The following ATP8A2 variants were observed in gnomAD, a reference collection of about 807,000 sequenced individuals.
ATP8A2 encodes ATPase phospholipid transporting 8A2, also known as phospholipid-transporting ATPase IB.
Under a neutral mutation model 165.6 loss-of-function variants are expected in ATP8A2, and 100 were observed. That is an observed-to-expected ratio of 0.60 (90% CI 0.51 to 0.71). The LOEUF (loss-of-function observed/expected upper bound fraction) is 0.71, where lower values mean the gene tolerates loss of function less well. ATP8A2 is among the 30% of genes least tolerant of loss of function. ATP8A2 has a pLI of 0.00. For missense variants in ATP8A2, 1,227 were observed against 1,479.5 expected, an observed-to-expected ratio of 0.83 and a Z score of 2.80; for synonymous variants, 543 against 548.8, an observed-to-expected ratio of 0.99 and a Z score of 0.15.
intron 24 of ATP8A2, among the ~76,000 whole-genome samples, chr13:25,677,485 T>C: frequency 6.6e-6 from 1 of 150,878 alleles, no homozygotes; most frequent in Non-Finnish European, 1.5e-5. Flanking sequence ...AAATCCATGT[T>C]GGTATAACTC....
intron 1 of ATP8A2, among the ~76,000 whole-genome samples, chr13:25,421,760 T>G (rs1389388633): frequency 6.6e-6 from 1 of 152,250 alleles, no homozygotes; most frequent in Non-Finnish European, 1.5e-5. Context: ...TGGAGTTTGA[T>G]CTATATAGCC....
At chr13:25,937,848 CAAAAA>C (rs57258286) in intron 33 of ATP8A2, among the ~76,000 whole-genome samples, 1 of 83,556 alleles carries the variant, frequency 1.2e-5, no homozygotes, top group African/African-American at 4.7e-5. Flanking sequence ...GACTCCGTCT[CAAAAA>C]AAAAAAAAAA....
chr13:25,766,748 C>T (rs1289976574), intron 25 of ATP8A2, among the ~76,000 whole-genome samples: 1 of 152,234 alleles, frequency 6.6e-6, no homozygotes, highest in Non-Finnish European at 1.5e-5. Flanking sequence ...CCCCAGGGCA[C>T]CTGCACACCC....
chr13:25,852,993 A>C (rs550720597), intron 30 of ATP8A2, among the ~76,000 whole-genome samples: 1 of 152,230 alleles, frequency 6.6e-6, no homozygotes, highest in East Asian at 1.9e-4. Flanking sequence ...CTCATGTGAA[A>C]TATGCACATA....
intron 33 of ATP8A2, among the ~76,000 whole-genome samples, chr13:25,934,717 A>G (rs1954840288): frequency 6.6e-6 from 1 of 152,188 alleles, no homozygotes; most frequent in South Asian, 2.1e-4. Context: ...TACCTGGAGA[A>G]GCTCAGGCAG....
chr13:25,694,493 C>T (rs1437309998), intron 24 of ATP8A2, among the ~76,000 whole-genome samples: 4 of 152,122 alleles, frequency 2.6e-5, no homozygotes. Context: ...TCTAGAATTT[C>T]CCAGACTTAC....
In ATP8A2 at chr13:25,544,695, A is replaced by G. The variant is rs117733476; in HGVS notation, c.891+1293A>G. 6.3e-3 allele frequency among the ~76,000 whole-genome samples: 956 copies of G among 152,252 alleles called. 6 individuals carry two copies. The highest frequency in any genetic ancestry group is 0.01 in the Non-Finnish European group (700 of 68,028). ...AAGGCAGAGCTGTTGAAGGCCATTC[A>G]ATGTTGACAAGTAAGGAACTGAGAG... is the stretch of plus-strand genomic sequence containing the variant. On this transcript the variant is annotated intron_variant, in intron 10 of 36. Transcript: ENST00000381655.
chr13:25,631,582 G>C lies in ATP8A2; in HGVS notation c.2211+41883G>C, dbSNP rs1251494419. 4.6e-5 allele frequency among the ~76,000 whole-genome samples: 7 copies of C among 152,218 alleles called. No individual in the cohort carries two copies. In the East Asian group the frequency reaches 7.7e-4, roughly 17 times the overall value. ...GATGCTTGCTGCTTATGTGTGAAGAGAGTAATTTGGTGACCTCCTACTTCA... is the reference window on the plus strand; with the variant it reads ...GATGCTTGCTGCTTATGTGTGAAGACAGTAATTTGGTGACCTCCTACTTCA... On this transcript the variant is annotated intron_variant, in intron 24 of 36. Transcript: ENST00000381655.
At chr13:25,946,695 T>A (rs1955222832) in intron 33 of ATP8A2, among the ~76,000 whole-genome samples, 1 of 152,152 alleles carries the variant, frequency 6.6e-6, no homozygotes, top group Non-Finnish European at 1.5e-5. Flanking sequence ...AAGATGCTAG[T>A]TTTAGGTAAA....
chr13:25,791,534 C>CACACAT (rs764372443), intron 27 of ATP8A2, among the ~76,000 whole-genome samples: 346 of 114,362 alleles, frequency 3.0e-3, no homozygotes, highest in East Asian at 0.014. Flanking sequence ...CTTAAACACA[C>CACACAT]ACACACATAC....
In ATP8A2 at chr13:25,542,384, A is replaced by ATT. The variant is rs61662955; in HGVS notation, c.779+353_779+354dup. Among the ~76,000 whole-genome samples, 22 of 135,164 alleles carry ATT rather than the reference A, an allele frequency of 1.6e-4. No individual in the cohort carries two copies. The South Asian group carries it at 1.9e-3, about 12-fold the overall frequency. 88.7% of individuals were successfully genotyped at this position (135,164 alleles called of 152,430 possible). A position where few individuals can be genotyped will look rare whatever the true frequency, so the allele number is the denominator to read the frequency against. On this transcript the variant is annotated intron_variant, in intron 9 of 36. Transcript: ENST00000381655. ...TTGTTACAGAAATGTGTGTATGTGT[A>ATT]TTTTTTTTTTTTTTTTGCTAACCAC... is the stretch of plus-strand genomic sequence containing the variant.
intron 27 of ATP8A2, among the ~76,000 whole-genome samples, chr13:25,781,561 T>C (rs2044880022): frequency 6.6e-6 from 1 of 152,174 alleles, no homozygotes; most frequent in Non-Finnish European, 1.5e-5. Context: ...CAGTGTTGGC[T>C]CACTGCAACC....
chr13:25,875,080 A>T (rs147238069), intron 33 of ATP8A2, among the ~76,000 whole-genome samples: 1,644 of 152,100 alleles, frequency 0.011, 31 homozygotes, highest in African/African-American at 0.037. Flanking sequence ...GTGCCATGGC[A>T]GTTGCCGGGG....
At chr13:25,555,735 T>G (rs1164050627) in intron 13 of ATP8A2, among the ~76,000 whole-genome samples, 2 of 152,158 alleles carry the variant, frequency 1.3e-5, no homozygotes, top group East Asian at 3.8e-4. Context: ...ATCACTCATG[T>G]ACCTGAGCAT....
chr13:25,748,241 T>C (rs773007932), intron 25 of ATP8A2, among the ~76,000 whole-genome samples: 1 of 152,190 alleles, frequency 6.6e-6, no homozygotes, highest in Non-Finnish European at 1.5e-5. Context: ...GATGATAGGA[T>C]TTTCCCCCCA....
intron 24 of ATP8A2, 54 bp from the exon 25 acceptor site, chr13:25,699,118 GT>G: frequency 1.5e-6 from 2 of 1,342,550 alleles, no homozygotes; most frequent in South Asian, 3.4e-5. Flanking sequence ...ATTCTATTTT[GT>G]TTTTGATATT....
chr13:25,898,020 CT>C (rs1367436797), intron 33 of ATP8A2, among the ~76,000 whole-genome samples: 1 of 152,166 alleles, frequency 6.6e-6, no homozygotes, highest in Non-Finnish European at 1.5e-5. Flanking sequence ...CTTCTGAAGC[CT>C]TCCTCTCTCA....
At chr13:25,623,946 T>C (rs984129217) in intron 24 of ATP8A2, among the ~76,000 whole-genome samples, 5 of 152,226 alleles carry the variant, frequency 3.3e-5, no homozygotes, top group African/African-American at 1.2e-4. Flanking sequence ...TAAATATAAA[T>C]ATACATATAT....
At chr13:25,651,967 T>C (rs1214483026) in intron 24 of ATP8A2, among the ~76,000 whole-genome samples, 1 of 152,190 alleles carries the variant, frequency 6.6e-6, no homozygotes, top group South Asian at 2.1e-4. Context: ...TTTTTAACAT[T>C]AGTTTTATTT....
Sources: gnomAD v4.1 joint callset for allele counts (sites outside exome capture counted in the v4.1 genomes callset) on GRCh38, gnomAD v4.1.1 for gene constraint, MANE v1.5 for transcripts, NCBI Gene and HGNC (gene_info 2026-07-23, HGNC 2026-07-21) for gene names.